The following SORCS1 variants were observed in gnomAD, a reference collection of about 807,000 sequenced individuals.
SORCS1 encodes the protein VPS10 domain-containing receptor SorCS1.
In SORCS1, 60 loss-of-function variants were observed where a neutral mutation model predicts 146.1. The ratio of observed to expected loss-of-function variants is 0.41; its 90% CI spans 0.33 to 0.51. The LOEUF is 0.51. SORCS1 is among the 20% of genes least tolerant of loss of function. The pLI is 0.21. For synonymous variants in SORCS1, 637 were observed against 584.0 expected, an observed-to-expected ratio of 1.09 and a Z score of -1.31; for missense variants, 1,352 against 1,487.6, an observed-to-expected ratio of 0.91 and a Z score of 1.50.
At chr10:106,667,448 CATT>C (rs111890628) in intron 17 of SORCS1, 7 of 471,096 alleles carry the variant, frequency 1.5e-5, no homozygotes, top group African/African-American at 7.7e-5. Flanking sequence ...TTAATATCAT[CATT>C]GTGATCTTCA....
chr10:106,990,155 C>A (rs1956707278), intron 1 of SORCS1, among the ~76,000 whole-genome samples: 1 of 152,150 alleles, frequency 6.6e-6, no homozygotes, highest in Non-Finnish European at 1.5e-5. Flanking sequence ...AAACAAGTAG[C>A]AAGAGGAGAC....
chr10:106,932,912 G>C (rs1158608292), intron 2 of SORCS1, among the ~76,000 whole-genome samples: 1 of 152,078 alleles, frequency 6.6e-6, no homozygotes, highest in Non-Finnish European at 1.5e-5. Flanking sequence ...ACCAATCTGA[G>C]ACCCGGGCCT....
At chr10:106,801,440 T>C (rs1006518149) in intron 3 of SORCS1, among the ~76,000 whole-genome samples, 1 of 152,020 alleles carries the variant, frequency 6.6e-6, no homozygotes, top group Non-Finnish European at 1.5e-5. Context: ...GCCCTTACTA[T>C]GTGTTAGGCT....
At chr10:106,971,981 G>A (rs1026849515) in intron 1 of SORCS1, among the ~76,000 whole-genome samples, 1 of 152,100 alleles carries the variant, frequency 6.6e-6, no homozygotes, top group African/African-American at 2.4e-5. Flanking sequence ...TGAAAGGGCT[G>A]GATTCTGGTT....
intron 1 of SORCS1, among the ~76,000 whole-genome samples, chr10:106,969,228 T>C (rs1955650631): frequency 6.6e-6 from 1 of 152,184 alleles, no homozygotes. Flanking sequence ...TACAATGGCA[T>C]GGCTAGTGGG....
At position 106,577,263 on chromosome 10, in the gene SORCS1, C is replaced by T; in HGVS notation, c.*157G>A. ...TAGGGATTTCTTTTGTGCTTTGATT[C>T]TCAGCAACTATGGAAATACTTCCTG... is the stretch of plus-strand genomic sequence containing the variant. On this transcript the variant is annotated 3_prime_UTR_variant, in exon 26 of 26. Coordinates refer to ENST00000263054, the MANE Select transcript of SORCS1 (RefSeq NM_052918.5). 2 of 1,602,728 alleles carry T rather than the reference C, an allele frequency of 1.2e-6. No homozygotes were observed. The highest frequency in any genetic ancestry group is 1.7e-6 in the Non-Finnish European group (2 of 1,173,376).
intron 3 of SORCS1, among the ~76,000 whole-genome samples, chr10:106,790,925 T>C (rs12265301): frequency 0.26 from 39,175 of 152,146 alleles, 5,283 homozygotes; most frequent in Non-Finnish European, 0.29. Flanking sequence ...TAACTGCAGA[T>C]ATTTTTGAAA....
chr10:107,030,822 G>T (rs760574588), intron 1 of SORCS1, among the ~76,000 whole-genome samples: 2 of 152,176 alleles, frequency 1.3e-5, no homozygotes, highest in Non-Finnish European at 2.9e-5. Context: ...AAGGAAAACT[G>T]ATTGGATGAC....
intron 1 of SORCS1, among the ~76,000 whole-genome samples, chr10:107,150,533 T>C (rs148842354): frequency 3.3e-5 from 5 of 152,314 alleles, no homozygotes; most frequent in Admixed American, 2.6e-4. Context: ...GCACTGTGCT[T>C]TTGGAAGGGC....
chr10:107,161,138 C>T (rs1969672304), intron 1 of SORCS1, among the ~76,000 whole-genome samples: 1 of 152,178 alleles, frequency 6.6e-6, no homozygotes, highest in African/African-American at 2.4e-5. Context: ...AGTCCAACAG[C>T]TGAGGGGGCA....
At chr10:106,903,664 G>C (rs531947615) in intron 2 of SORCS1, among the ~76,000 whole-genome samples, 1 of 152,176 alleles carries the variant, frequency 6.6e-6, no homozygotes, top group African/African-American at 2.4e-5. Context: ...GAAACCAAAT[G>C]TATTTTTAAT....
chr10:106,841,563 T>C (rs1359260060), intron 2 of SORCS1, among the ~76,000 whole-genome samples: 1 of 152,234 alleles, frequency 6.6e-6, no homozygotes, highest in Non-Finnish European at 1.5e-5. Context: ...AACATAACTT[T>C]TATATGCACT....
At chr10:106,874,845 G>A (rs11193086) in intron 2 of SORCS1, among the ~76,000 whole-genome samples, 42,919 of 152,052 alleles carry the variant, frequency 0.28, 7,158 homozygotes, top group Non-Finnish European at 0.37. Context: ...TAAGACATTT[G>A]GATTTTATTA....
At position 106,762,475 on chromosome 10, in the gene SORCS1, C is replaced by A. The variant is rs1589824537; in HGVS notation, c.886-814G>T. Among the ~76,000 whole-genome samples the A allele has an allele frequency of 4.3e-5, 6 of 138,578 alleles. No individual in the cohort carries two copies. The South Asian group carries it at 1.4e-3, about 33-fold the overall frequency. 90.9% of individuals were successfully genotyped at this position (138,578 alleles called of 152,430 possible). A position where few individuals can be genotyped will look rare whatever the true frequency, so the allele number is the denominator to read the frequency against. ...TGGTGTGACCTCGGCTCACTGCAAG[C>A]TCTGCCTCCCGGGTTCACGCCATTC... On this transcript the variant is annotated intron_variant, in intron 4 of 25. Transcript: ENST00000263054.
At chr10:106,802,103 A>G (rs753134051) in intron 3 of SORCS1, among the ~76,000 whole-genome samples, 2 of 152,204 alleles carry the variant, frequency 1.3e-5, no homozygotes, top group African/African-American at 4.8e-5. Flanking sequence ...TTCCTTTACC[A>G]AGTACATGTC....
In SORCS1 at chr10:106,588,232, C is replaced by T. The variant is rs560836988; in HGVS notation, c.3266-8758G>A. ...TCTAGATTATGGATTTAATATGCCC[C>T]AGATTCAGGGGCATGTTTCATTTTC... On this transcript the variant is annotated intron_variant, in intron 24 of 25. Transcript: ENST00000263054. 5.6e-4 allele frequency among the ~76,000 whole-genome samples: 85 copies of T among 152,322 alleles called. 2 individuals are homozygous for T. Among genetic ancestry groups the T allele is most frequent in the African/African-American group, 2.0e-3 (83 of 41,580 alleles).
At chr10:106,911,895 G>A (rs1589688254) in intron 2 of SORCS1, among the ~76,000 whole-genome samples, 1 of 152,158 alleles carries the variant, frequency 6.6e-6, no homozygotes. Flanking sequence ...GGTGGATCAC[G>A]AGGTCAGGAG....
At chr10:106,578,683 C>T in intron 25 of SORCS1, 1 of 1,016,094 alleles carries the variant, frequency 9.8e-7, no homozygotes, top group Non-Finnish European at 1.2e-6. Context: ...TTGAGGCTAC[C>T]ATGTTTCATT....
intron 3 of SORCS1, 114 bp downstream of exon 3, chr10:106,829,460 T>C: frequency 1.5e-6 from 1 of 687,200 alleles, no homozygotes; most frequent in South Asian, 2.1e-5. Context: ...AACCCATCTT[T>C]ACATTTCTAA....
Sources: gnomAD v4.1 joint callset for allele counts (sites outside exome capture counted in the v4.1 genomes callset) on GRCh38, gnomAD v4.1.1 for gene constraint, MANE v1.5 for transcripts, NCBI Gene and HGNC (gene_info 2026-07-23, HGNC 2026-07-21) for gene names.